Variants in MEI4 observed in about 807,000 individuals in gnomAD.
MEI4 encodes the protein meiosis-specific protein MEI4.
MEI4 carries 27 observed loss-of-function variants against 31.4 expected under a neutral mutation model. The ratio of observed to expected loss-of-function variants is 0.86; its 90% CI spans 0.63 to 1.19. The LOEUF is 1.19. Ranked by LOEUF, MEI4 falls within the 50% of genes most tolerant of loss-of-function variation. The pLI is 0.00. For missense variants in MEI4, 329 were observed against 398.9 expected (o/e 0.82, Z 1.49); for synonymous variants, 122 against 145.4 (o/e 0.84, Z 1.16).
chr6:77,653,148 A>G (rs1048806433), intron 1 of MEI4, among the ~76,000 whole-genome samples, 56 bp downstream of exon 1: 5 of 152,198 alleles, frequency 3.3e-5, no homozygotes, highest in Admixed American at 2.6e-4. Context: ...GTAGGTTGAT[A>G]AAGTGGGAAA....
chr6:77,670,251 C>T (rs1437349025), intron 1 of MEI4, among the ~76,000 whole-genome samples: 3 of 151,762 alleles, frequency 2.0e-5, no homozygotes, highest in African/African-American at 4.8e-5. Context: ...TGTTGTATTC[C>T]TCTAAGTCTT....
At chr6:77,810,122 G>A (rs570712361) in intron 3 of MEI4, among the ~76,000 whole-genome samples, 2 of 152,268 alleles carry the variant, frequency 1.3e-5, no homozygotes, top group East Asian at 3.9e-4. Context: ...CCTATATGTT[G>A]CCCACCATCA....
chr6:77,795,430 C>G (rs775155340), intron 3 of MEI4, among the ~76,000 whole-genome samples: 4 of 152,040 alleles, frequency 2.6e-5, no homozygotes, highest in Non-Finnish European at 5.9e-5. Flanking sequence ...CCTACCTACC[C>G]TTGACCTAGC....
chr6:77,825,693 A>T (rs1172234288), intron 3 of MEI4, among the ~76,000 whole-genome samples: 1 of 152,216 alleles, frequency 6.6e-6, no homozygotes, highest in Non-Finnish European at 1.5e-5. Flanking sequence ...ATTTAAGTAG[A>T]TACAACATAT....
intron 4 of MEI4, among the ~76,000 whole-genome samples, chr6:77,897,187 C>A (rs1460390684): frequency 6.6e-6 from 1 of 151,934 alleles, no homozygotes; most frequent in Non-Finnish European, 1.5e-5. Context: ...GATAGCATTC[C>A]TTTACAAAGA....
rs2127652307 is a variant in MEI4, at chr6:77,690,787, T to G, written c.116T>G (p.Leu39Trp). ...SREYTEHLAM[L>W]LSEEQSKWRS... ...GAATACACAGAGCACCTTGCTATGTTGCTGTCTGAGGAGCAGTCAAAATGG... is the reference window on the plus strand; with the variant it reads ...GAATACACAGAGCACCTTGCTATGTGGCTGTCTGAGGAGCAGTCAAAATGG... Residue 39 changes from leucine to tryptophan, a missense_variant, in exon 2 of 5, where the codon TTG (leucine) becomes TGG (tryptophan). Leu to Trp is a moderately conservative substitution (Grantham distance 61, BLOSUM62 -2). Coordinates refer to ENST00000684080, the MANE Select transcript of MEI4 (RefSeq NM_001322247.2). 8.1e-7 allele frequency: 1 copy of G among 1,231,722 alleles called. No homozygotes were observed. Among genetic ancestry groups the G allele is most frequent in the Middle Eastern group, 3.1e-4 (1 of 3,210 alleles). The allele number at this position is 1,231,722 out of a possible 1,614,324, so 76.3% of individuals were successfully genotyped here. A position where few individuals can be genotyped will look rare whatever the true frequency, so the allele number is the denominator to read the frequency against.
chr6:77,658,487 A>T (rs1198177154), intron 1 of MEI4, among the ~76,000 whole-genome samples: 2 of 152,146 alleles, frequency 1.3e-5, no homozygotes, highest in African/African-American at 4.8e-5. Flanking sequence ...TAAGAAAAAT[A>T]AAACAAAATA....
At chr6:77,854,485 C>A (rs1304115016) in intron 4 of MEI4, among the ~76,000 whole-genome samples, 2 of 147,300 alleles carry the variant, frequency 1.4e-5, no homozygotes, top group Non-Finnish European at 3.0e-5. Context: ...CTATGTACAT[C>A]TTTTTTAGTA....
chr6:77,906,367 C>T (rs1420315912), intron 4 of MEI4, among the ~76,000 whole-genome samples: 1 of 152,026 alleles, frequency 6.6e-6, no homozygotes, highest in Non-Finnish European at 1.5e-5. Flanking sequence ...TACAGCGGTG[C>T]TTGCTAGTTG....
chr6:77,827,242 C>T (rs1769976241), intron 3 of MEI4, among the ~76,000 whole-genome samples: 1 of 151,480 alleles, frequency 6.6e-6, no homozygotes, highest in Non-Finnish European at 1.5e-5. Flanking sequence ...TGCCTGTAGT[C>T]CCAGCTACAT....
intron 2 of MEI4, among the ~76,000 whole-genome samples, chr6:77,727,253 A>G (rs181220413): frequency 1.9e-4 from 29 of 152,304 alleles, no homozygotes; most frequent in African/African-American, 7.0e-4. Context: ...CAAGACCTTG[A>G]AAGGCACTAG....
intron 4 of MEI4, among the ~76,000 whole-genome samples, chr6:77,845,945 C>T (rs1770473207): frequency 6.7e-6 from 1 of 150,358 alleles, no homozygotes; most frequent in Non-Finnish European, 1.5e-5. Context: ...TTGAAAAGAC[C>T]AGTCATTGTG....
intron 1 of MEI4, among the ~76,000 whole-genome samples, chr6:77,660,481 G>A (rs1768483840): frequency 6.6e-6 from 1 of 151,896 alleles, no homozygotes; most frequent in Non-Finnish European, 1.5e-5. Flanking sequence ...ACAAGAGTAG[G>A]GCATTTGTAA....
At chr6:77,662,484 G>T (rs1228678667) in intron 1 of MEI4, among the ~76,000 whole-genome samples, 1 of 152,216 alleles carries the variant, frequency 6.6e-6, no homozygotes, top group Non-Finnish European at 1.5e-5. Flanking sequence ...TCAACAAAGA[G>T]TGAGTATAGC....
At chr6:77,875,017 C>G (rs1199736330) in intron 4 of MEI4, among the ~76,000 whole-genome samples, 1 of 152,092 alleles carries the variant, frequency 6.6e-6, no homozygotes, top group African/African-American at 2.4e-5. Flanking sequence ...GAACCCTTAG[C>G]TTTTTTGTAT....
At chr6:77,892,432 G>C (rs998032139) in intron 4 of MEI4, among the ~76,000 whole-genome samples, 1 of 152,138 alleles carries the variant, frequency 6.6e-6, no homozygotes, top group Non-Finnish European at 1.5e-5. Flanking sequence ...GGGTAAGGCA[G>C]GCTTACCCCT....
chr6:77,887,741 T>C (rs1466637529), intron 4 of MEI4, among the ~76,000 whole-genome samples: 1 of 152,254 alleles, frequency 6.6e-6, no homozygotes, highest in Non-Finnish European at 1.5e-5. Context: ...GTTAGTATAA[T>C]GTGTATCTGC....
intron 4 of MEI4, among the ~76,000 whole-genome samples, chr6:77,837,866 TA>T (rs1315477824): frequency 1.3e-5 from 2 of 152,182 alleles, no homozygotes; most frequent in Non-Finnish European, 2.9e-5. Context: ...AGGTGCTTAT[TA>T]TCCTTTATAA....
chr6:77,868,618 T>G (rs935165341), intron 4 of MEI4, among the ~76,000 whole-genome samples: 1 of 149,704 alleles, frequency 6.7e-6, no homozygotes, highest in African/African-American at 2.4e-5. Context: ...AGATAACTCT[T>G]TTATAAATCT....
Sources: gnomAD v4.1 joint callset for allele counts (sites outside exome capture counted in the v4.1 genomes callset) on GRCh38, gnomAD v4.1.1 for gene constraint, MANE v1.5 for transcripts, NCBI Gene and HGNC (gene_info 2026-07-23, HGNC 2026-07-21) for gene names.